MMP17: variants seen among roughly 807,000 people sequenced by gnomAD.
MMP17 encodes matrix metalloproteinase-17.
MMP17 carries 54 observed loss-of-function variants against 49.1 expected under a neutral mutation model. That is an observed-to-expected ratio of 1.10 (90% CI 0.88 to 1.38). The LOEUF (loss-of-function observed/expected upper bound fraction) is 1.38. Ranked by LOEUF, MMP17 falls within the 40% of genes most tolerant of loss-of-function variation. The pLI is 0.00. For missense variants in MMP17, 837 were observed against 853.7 expected, an observed-to-expected ratio of 0.98 and a Z score of 0.24; for synonymous variants, 397 against 383.1, an observed-to-expected ratio of 1.04 and a Z score of -0.42.
intron 3 of MMP17, among the ~76,000 whole-genome samples, chr12:131,838,971 G>A (rs1444749863): frequency 6.6e-6 from 1 of 152,124 alleles, no homozygotes; most frequent in Non-Finnish European, 1.5e-5. Context: ...AGGGTGAGGA[G>A]TGGGGCCCCC....
At chr12:131,834,312 C>A (rs1886967100) in intron 1 of MMP17, among the ~76,000 whole-genome samples, 1 of 152,144 alleles carries the variant, frequency 6.6e-6, no homozygotes, top group Non-Finnish European at 1.5e-5. Context: ...CCTCCCCCTC[C>A]CCAGTGGCCT....
chr12:131,843,964 G>A, intron 5 of MMP17, 33 bp from the exon 6 acceptor site: 5 of 1,495,512 alleles, frequency 3.3e-6, no homozygotes, highest in Non-Finnish European at 4.5e-6. Context: ...GGCGTCGGGG[G>A]TTTGAGGCCG....
Position 131,849,869 on chromosome 12 carries a change from C to T in MMP17, c.1272C>T (p.Phe424=), listed in dbSNP as rs199948694. Residue 424 remains phenylalanine, a synonymous_variant, in exon 9 of 10, where the codon TTC becomes TTT. Transcript: ENST00000360564. ...EEGYPRPVSD[F]SLPPGGIDAA... Reference sequence around the variant, plus strand: ...GATACCCGCGCCCCGTCTCCGACTTCAGCCTCCCGCCTGGCGGCATCGACG... The same window carrying T: ...GATACCCGCGCCCCGTCTCCGACTTTAGCCTCCCGCCTGGCGGCATCGACG... 13 of 1,614,068 alleles carry T rather than the reference C, an allele frequency of 8.1e-6. No homozygotes were observed. In the Admixed American group the frequency reaches 8.3e-5, roughly 10 times the overall value.
At chr12:131,848,988 C>T (rs1019089752) in intron 8 of MMP17, among the ~76,000 whole-genome samples, 20 of 152,326 alleles carry the variant, frequency 1.3e-4, no homozygotes, top group Non-Finnish European at 2.6e-4. Context: ...AGCCTATGTT[C>T]TGTCTCCCGC....
At position 131,840,805 on chromosome 12, in the gene MMP17, G is replaced by T. The variant is rs765935863; in HGVS notation, c.655G>T (p.Ala219Ser). 1.0e-5 allele frequency: 16 copies of T among 1,606,852 alleles called. No homozygotes were observed. The highest frequency in any genetic ancestry group is 2.2e-5 in the East Asian group (1 of 44,856). ...CTTCTTCCCCGGCCACCACCACACC[G>T]CCGGGGACACCCACTTTGACGATGA... ...HAFFPGHHHT[A>S]GDTHFDDDEA... Residue 219 changes from alanine to serine, a missense_variant, in exon 4 of 10, where the codon GCC becomes TCC. Transcript: ENST00000360564.
Position 131,841,612 on chromosome 12 carries a change from C to T in MMP17, c.707-12C>T. ...TCTTGCCCTTAGTTCACATGGCTCC[C>T]TGTGTCCCCAGATGCCCACGGGATG... is the stretch of plus-strand genomic sequence containing the variant. On this transcript the variant is annotated splice_polypyrimidine_tract_variant and intron_variant, in intron 4 of 9. Transcript: ENST00000360564. 6.2e-7 allele frequency: 1 copy of T among 1,613,912 alleles called. No individual in the cohort carries two copies. The highest frequency in any genetic ancestry group is 8.5e-7 in the Non-Finnish European group (1 of 1,179,966).
rs55842226 is a variant in MMP17 at position 131,833,236 on chromosome 12, G to A, written c.159+4583G>A. On this transcript the variant is annotated intron_variant, in intron 1 of 9. Transcript: ENST00000360564. ...TGCAGTGCCTGAGGGACATGGGCAC[G>A]AATGACGTGGGCATGGTTGGGTAGT... 5.4e-3 allele frequency among the ~76,000 whole-genome samples: 821 copies of A among 152,396 alleles called. 7 individuals carry two copies. Among genetic ancestry groups the A allele is most frequent in the African/African-American group, 0.018 (768 of 41,596 alleles).
rs756902410 is a variant in MMP17 at position 131,839,777 on chromosome 12, G to A, written c.423-796G>A. ...AGCCTGGCCAACATGGTGAGACCCC[G>A]TCTCTACTAAAAATACAAAAATTAG... is the stretch of plus-strand genomic sequence containing the variant. On this transcript the variant is annotated intron_variant, in intron 3 of 9. Transcript: ENST00000360564. Among the ~76,000 whole-genome samples, 69 of 152,058 alleles carry A rather than the reference G, an allele frequency of 4.5e-4. 1 individual carries two copies. The highest frequency in any genetic ancestry group is 7.2e-4 in the Admixed American group (11 of 15,278).
rs571845962 is a variant in MMP17 at position 131,846,846 on chromosome 12, A to G, written c.1204+1397A>G. Among the ~76,000 whole-genome samples, 168 of 152,234 alleles carry G rather than the reference A, an allele frequency of 1.1e-3. 1 individual carries two copies. The highest frequency in any genetic ancestry group is 8.2e-4 in the Non-Finnish European group (56 of 68,016). On this transcript the variant is annotated intron_variant, in intron 8 of 9. Coordinates refer to ENST00000360564, the MANE Select transcript of MMP17 (RefSeq NM_016155.7). The surrounding 1 kb of genome is among the most constrained non-coding windows in gnomAD (Gnocchi z 4.6). ...GGGACCCCGTTTCCTTGCCGAGGTAAAGGGTGTTCTGCGTGTCTGTCAGGG... is the reference window on the plus strand; with the variant it reads ...GGGACCCCGTTTCCTTGCCGAGGTAGAGGGTGTTCTGCGTGTCTGTCAGGG...
rs1887184607 is a variant in MMP17, at chr12:131,838,258, C to T, written c.223C>T (p.Gln75Ter). Residue 75 changes from glutamine (Q) to a stop codon, truncating the protein, a stop_gained, in exon 2 of 10, where the codon CAA (glutamine) becomes TAA (stop). Coordinates refer to ENST00000360564, the MANE Select transcript of MMP17 (RefSeq NM_016155.7). LOFTEE classifies it high-confidence loss of function. ...CCCCACAACAGGGCAGCTGCAGACG[C>T]AAGAGGAGCTGTCTAAGGCCATCAC... is the stretch of plus-strand genomic sequence containing the variant. ...ADPTTGQLQT[Q>*]EELSKAITAM... 6.2e-7 allele frequency: 1 copy of T among 1,613,298 alleles called. No homozygotes were observed. Among genetic ancestry groups the T allele is most frequent in the Non-Finnish European group, 8.5e-7 (1 of 1,179,990 alleles).
chr12:131,847,703 G>A (rs1377003701), intron 8 of MMP17, among the ~76,000 whole-genome samples: 1 of 152,282 alleles, frequency 6.6e-6, no homozygotes, highest in Non-Finnish European at 1.5e-5. Flanking sequence ...GAGGGCAGGT[G>A]TTCTGAGCCC....
Position 131,851,541 on chromosome 12 carries a change from G to C in MMP17, c.*267G>C, listed in dbSNP as rs958653027. ...GGGTGCCCAGTCAGGCCGCACCGCC[G>C]CCAGCCTCCTCCGGCCCTGGAGGGA... On this transcript the variant is annotated 3_prime_UTR_variant, in exon 10 of 10. Transcript: ENST00000360564. The C allele has an allele frequency of 2.6e-6, 1 of 383,500 alleles. No individual in the cohort carries two copies. The allele number at this position is 383,500 out of a possible 1,614,324, so 23.8% of individuals were successfully genotyped here.
Position 131,838,755 on chromosome 12 carries a change from C to G in MMP17, c.422+14C>G. The G allele has an allele frequency of 1.3e-6, 2 of 1,538,934 alleles. No homozygotes were observed. Among genetic ancestry groups the G allele is most frequent in the Non-Finnish European group, 1.8e-6 (2 of 1,139,276 alleles). On this transcript the variant is annotated intron_variant, in intron 3 of 9. Coordinates refer to ENST00000360564, the MANE Select transcript of MMP17 (RefSeq NM_016155.7). Reference sequence around the variant, plus strand: ...CCTGTCGTGGAGGTGGGTGTGTGGCCAGGGTGAGGAGCGGGGCCTCCGTGG... The same window carrying G: ...CCTGTCGTGGAGGTGGGTGTGTGGCGAGGGTGAGGAGCGGGGCCTCCGTGG...
chr12:131,849,215 G>A (rs1171091916), intron 8 of MMP17, among the ~76,000 whole-genome samples: 1 of 152,224 alleles, frequency 6.6e-6, no homozygotes, highest in Non-Finnish European at 1.5e-5. Flanking sequence ...AGGGCACGGT[G>A]GCTCACACCT....
At position 131,828,443 on chromosome 12, in the gene MMP17, G is replaced by C. The variant is rs969324316; in HGVS notation, c.-52G>C. ...CGGAGGGCGCCGGGCTGCGGAACGC[G>C]AAGCGGAGGGCGCGGGACCCTGCAC... On this transcript the variant is annotated 5_prime_UTR_variant, in exon 1 of 10. Coordinates refer to ENST00000360564, the MANE Select transcript of MMP17 (RefSeq NM_016155.7). The C allele has an allele frequency of 2.1e-6, 2 of 972,900 alleles. No homozygotes were observed. The highest frequency in any genetic ancestry group is 2.4e-6 in the Non-Finnish European group (2 of 818,258). The allele number at this position is 972,900 out of a possible 1,614,324, so 60.3% of individuals were successfully genotyped here.
intron 5 of MMP17, among the ~76,000 whole-genome samples, chr12:131,842,206 C>T (rs1221252149): frequency 3.3e-5 from 5 of 152,204 alleles, no homozygotes; most frequent in Non-Finnish European, 7.3e-5. Context: ...AAGTCAGGCA[C>T]CAGGGACCCC....
At chr12:131,849,598 G>A (rs1297876563) in intron 8 of MMP17, among the ~76,000 whole-genome samples, 3 of 152,304 alleles carry the variant, frequency 2.0e-5, no homozygotes, top group East Asian at 1.9e-4. Flanking sequence ...TGGATGGGAT[G>A]GCCCGGACTG....
Position 131,841,656 on chromosome 12 carries a change from G to C in MMP17, c.739G>C (p.Val247Leu), listed in dbSNP as rs1887415040. The C allele has an allele frequency of 1.9e-6, 3 of 1,614,090 alleles. No individual in the cohort carries two copies. The African/African-American group carries it at 4.0e-5, about 22-fold the overall frequency. Residue 247 changes from valine (V) to leucine (L), a missense_variant, in exon 5 of 10, where the codon GTC becomes CTC. By Grantham distance (32) the Val-to-Leu change is conservative (BLOSUM62 1). Coordinates refer to ENST00000360564, the MANE Select transcript of MMP17 (RefSeq NM_016155.7). ...CGGGATGGACCTGTTTGCAGTGGCTGTCCACGAGTTTGGCCACGCCATTGG... is the reference window on the plus strand; with the variant it reads ...CGGGATGGACCTGTTTGCAGTGGCTCTCCACGAGTTTGGCCACGCCATTGG... ...AHGMDLFAVAVHEFGHAIGLS... is the reference protein window; with the variant it reads ...AHGMDLFAVALHEFGHAIGLS...
At chr12:131,847,960 G>A (rs1013023633) in intron 8 of MMP17, among the ~76,000 whole-genome samples, 2 of 152,212 alleles carry the variant, frequency 1.3e-5, no homozygotes, top group African/African-American at 4.8e-5. Flanking sequence ...CCATAGCAGG[G>A]CAGGGCCCAT....
Sources: allele counts gnomAD v4.1 joint callset (sites outside exome capture counted in the v4.1 genomes callset), GRCh38; gene constraint gnomAD v4.1.1; non-coding constraint Gnocchi (gnomAD v3.1); transcripts MANE v1.5; gene names NCBI Gene and HGNC (gene_info 2026-07-23, HGNC 2026-07-21).